SUSD4: variants seen among roughly 807,000 people sequenced by gnomAD.
The protein encoded by SUSD4 is sushi domain-containing protein 4.
A neutral mutation model predicts 50.5 loss-of-function variants in SUSD4; 41 were observed. The ratio of observed to expected loss-of-function variants is 0.81; its 90% CI spans 0.63 to 1.05. SUSD4 has a LOEUF of 1.05. Ranked by LOEUF, SUSD4 falls within the 50% of genes least tolerant of loss-of-function variation. The pLI is 0.00. For synonymous variants in SUSD4, 257 were observed against 257.3 expected, an observed-to-expected ratio of 1.00 and a Z score of 0.01; for missense variants, 580 against 634.7, an observed-to-expected ratio of 0.91 and a Z score of 0.93.
At chr1:223,360,299 C>G (rs540854959) in intron 2 of SUSD4, 1 of 466,980 alleles carries the variant, frequency 2.1e-6, no homozygotes, top group Admixed American at 2.4e-5. Context: ...CAGCAGGTCT[C>G]TGGTCAAGTG....
intron 2 of SUSD4, among the ~76,000 whole-genome samples, chr1:223,315,533 C>T (rs1224244273): frequency 1.3e-5 from 2 of 152,222 alleles, no homozygotes; most frequent in Non-Finnish European, 2.9e-5. Context: ...GCCAAACTAT[C>T]GTTGAAAAAC....
At chr1:223,346,366 T>C (rs577651738) in intron 2 of SUSD4, among the ~76,000 whole-genome samples, 2 of 152,198 alleles carry the variant, frequency 1.3e-5, no homozygotes, top group Non-Finnish European at 2.9e-5. Flanking sequence ...TTTTCCTATT[T>C]ATGATTTCCT....
chr1:223,330,699 G>A (rs956023195), intron 2 of SUSD4, among the ~76,000 whole-genome samples: 1 of 152,186 alleles, frequency 6.6e-6, no homozygotes, highest in African/African-American at 2.4e-5. Flanking sequence ...CAGGCAACAG[G>A]AGCCACAGAG....
intron 5 of SUSD4, among the ~76,000 whole-genome samples, chr1:223,258,457 G>A (rs1403857141): frequency 6.6e-6 from 1 of 151,988 alleles, no homozygotes; most frequent in Non-Finnish European, 1.5e-5. Context: ...CCCTGTGATT[G>A]AATTGGATGC....
intron 5 of SUSD4, among the ~76,000 whole-genome samples, chr1:223,252,228 A>ATATAT (rs1553285648): frequency 9.0e-6 from 1 of 111,260 alleles, no homozygotes; most frequent in African/African-American, 3.6e-5. Context: ...TTAAAAAAAA[A>ATATAT]AAAAAAAAAT....
In SUSD4 at chr1:223,296,235, C is replaced by G. The variant is rs567236415; in HGVS notation, c.149-3584G>C. On this transcript the variant is annotated intron_variant, in intron 2 of 8. Transcript: ENST00000366878. ...CATTAAGGACACAGAGTCACAAAAC[C>G]TGGTGACCTCCTGGATGGGGGAGTG... 4.6e-5 allele frequency among the ~76,000 whole-genome samples: 7 copies of G among 152,264 alleles called. No homozygotes were observed. In the South Asian group the frequency reaches 1.5e-3, roughly 32 times the overall value.
At chr1:223,238,406 T>G (rs1002197288) in intron 5 of SUSD4, among the ~76,000 whole-genome samples, 1 of 152,030 alleles carries the variant, frequency 6.6e-6, no homozygotes, top group East Asian at 1.9e-4. Context: ...TTTGCTCTTC[T>G]TTTACTAGTT....
chr1:223,336,377 A>G (rs1014908357), intron 2 of SUSD4, among the ~76,000 whole-genome samples: 6 of 152,238 alleles, frequency 3.9e-5, no homozygotes, highest in African/African-American at 1.4e-4. Flanking sequence ...AATAGCTACA[A>G]TTTTTAGTAT....
Position 223,222,129 on chromosome 1 carries a change from C to T in SUSD4, c.*63G>A. On this transcript the variant is annotated 3_prime_UTR_variant, in exon 9 of 9. Coordinates refer to ENST00000366878, the MANE Select transcript of SUSD4 (RefSeq NM_017982.4). ...CCCAGGCTCTATCCTTCTGTGACCT[C>T]ACTCCAAGATACAAGGTCCTTTCCC... 1 of 1,565,530 alleles carries T rather than the reference C, an allele frequency of 6.4e-7. No individual in the cohort carries two copies. Among genetic ancestry groups the T allele is most frequent in the Non-Finnish European group, 8.7e-7 (1 of 1,146,394 alleles).
At chr1:223,280,768 A>T (rs995563557) in intron 3 of SUSD4, among the ~76,000 whole-genome samples, 1 of 152,158 alleles carries the variant, frequency 6.6e-6, no homozygotes, top group African/African-American at 2.4e-5. Context: ...CTCCACCCCA[A>T]ATCAACAGAA....
intron 5 of SUSD4, among the ~76,000 whole-genome samples, chr1:223,246,375 G>A (rs1288101372): frequency 1.3e-5 from 2 of 152,120 alleles, no homozygotes; most frequent in African/African-American, 2.4e-5. Context: ...AGTGAGTTGG[G>A]GAGTAAAAGG....
intron 2 of SUSD4, among the ~76,000 whole-genome samples, chr1:223,328,212 T>C (rs1457400614): frequency 6.6e-6 from 1 of 152,226 alleles, no homozygotes; most frequent in African/African-American, 2.4e-5. Flanking sequence ...CTTACATTTG[T>C]TGGACTCATG....
intron 2 of SUSD4, among the ~76,000 whole-genome samples, chr1:223,300,000 G>C (rs575275638): frequency 6.6e-6 from 1 of 152,290 alleles, no homozygotes; most frequent in African/African-American, 2.4e-5. Flanking sequence ...AAAAATACTA[G>C]AGTACTTTAC....
chr1:223,312,974 T>C (rs764370389), intron 2 of SUSD4, among the ~76,000 whole-genome samples: 1 of 152,180 alleles, frequency 6.6e-6, no homozygotes, highest in Non-Finnish European at 1.5e-5. Context: ...AAAGAGTCAA[T>C]AGAGCTCCAC....
chr1:223,224,208 G>A (rs969425434), intron 7 of SUSD4, among the ~76,000 whole-genome samples: 2 of 152,168 alleles, frequency 1.3e-5, no homozygotes, highest in Non-Finnish European at 1.5e-5. Context: ...GTGGTGGCAC[G>A]TGCCTGTAGC....
At chr1:223,289,301 G>A in intron 3 of SUSD4, 10 of 985,418 alleles carry the variant, frequency 1.0e-5, no homozygotes, top group Non-Finnish European at 1.1e-5. Flanking sequence ...AGACATCTCT[G>A]AGGTTGGAGA....
intron 2 of SUSD4, among the ~76,000 whole-genome samples, chr1:223,325,518 G>C (rs2103257817): frequency 6.6e-6 from 1 of 152,214 alleles, no homozygotes; most frequent in Non-Finnish European, 1.5e-5. Flanking sequence ...ACTTTCCCAA[G>C]CAAGAGCAAT....
chr1:223,311,838 G>C (rs549043582), intron 2 of SUSD4, among the ~76,000 whole-genome samples: 13 of 152,304 alleles, frequency 8.5e-5, no homozygotes, highest in Admixed American at 5.9e-4. Context: ...TGAGAACTTA[G>C]GTGAAACAGG....
At chr1:223,252,719 CT>C (rs3042609) in intron 5 of SUSD4, among the ~76,000 whole-genome samples, 7 of 149,502 alleles carry the variant, frequency 4.7e-5, no homozygotes, top group East Asian at 2.0e-4. Flanking sequence ...ATATAATTGG[CT>C]TTTTTTTTTA....
Sources: allele counts gnomAD v4.1 joint callset (sites outside exome capture counted in the v4.1 genomes callset), GRCh38; gene constraint gnomAD v4.1.1; transcripts MANE v1.5; gene names NCBI Gene and HGNC (gene_info 2026-07-23, HGNC 2026-07-21).